The following CTSB variants were observed in gnomAD, a reference collection of about 807,000 sequenced individuals.
The protein encoded by CTSB is APP secretase.
A neutral mutation model predicts 44.3 loss-of-function variants in CTSB; 57 were observed. The observed-to-expected ratio is 1.29, with a 90% CI of 1.04 to 1.60. The LOEUF (loss-of-function observed/expected upper bound fraction) is 1.60, where lower values mean the gene tolerates loss of function less well. Among genes scored for constraint, CTSB ranks in the 40% most tolerant of loss-of-function variants. The pLI, the probability that CTSB is intolerant of heterozygous loss-of-function variation, is 0.00. For missense variants in CTSB, 768 were observed against 443.0 expected (o/e 1.73, Z -6.59); for synonymous variants, 320 against 168.0 (o/e 1.91, Z -7.00).
At chr8:11,851,108 C>G (rs780235212) in intron 3 of CTSB, 128 bp from the exon 4 acceptor site, 5 of 481,262 alleles carry the variant, frequency 1.0e-5, no homozygotes, top group Non-Finnish European at 2.0e-5. Context: ...CCGAAGAAGG[C>G]TGCAGACAGG....
chr8:11,855,290 G>A (rs569773051), intron 1 of CTSB, among the ~76,000 whole-genome samples: 1 of 152,172 alleles, frequency 6.6e-6, no homozygotes, highest in African/African-American at 2.4e-5. Flanking sequence ...AAAGTGCTGC[G>A]ATGACAGGCG....
chr8:11,851,088 A>G, intron 3 of CTSB, 108 bp from the exon 4 acceptor site: 1 of 644,078 alleles, frequency 1.6e-6, no homozygotes, highest in Non-Finnish European at 2.8e-6. Flanking sequence ...GGAAATGAGC[A>G]CAAGACATGC....
Position 11,853,431 on chromosome 8 carries a change from G to C in CTSB, c.24C>G (p.Leu8=). The change falls in exon 2 of 10, where the codon CTC becomes CTG. Residue 8 remains leucine (L), a synonymous_variant. Transcript: ENST00000353047. The part of the protein sequence containing the change: MWQLWAS[L]CCLLVLANAR... Reference sequence around the variant, plus strand: ...CATTGGCCAACACCAGCAGGCAGCAGAGGGAGGCCCAGAGCTGCCACATGT... The same window carrying C: ...CATTGGCCAACACCAGCAGGCAGCACAGGGAGGCCCAGAGCTGCCACATGT... 1.2e-6 allele frequency: 2 copies of C among 1,612,562 alleles called. No individual in the cohort carries two copies. Among genetic ancestry groups the C allele is most frequent in the Non-Finnish European group, 1.7e-6 (2 of 1,179,794 alleles).
At chr8:11,850,516 G>A (rs1194259027) in intron 4 of CTSB, 1 of 167,662 alleles carries the variant, frequency 6.0e-6, no homozygotes, top group Non-Finnish European at 1.3e-5. Context: ...ACAATTAAAT[G>A]ACAAAATTAA....
intron 4 of CTSB, 182 bp downstream of exon 4, chr8:11,850,684 C>G (rs1052352632): frequency 2.4e-5 from 12 of 503,268 alleles, no homozygotes; most frequent in Non-Finnish European, 4.3e-5. Context: ...CGCCACTCCA[C>G]CTAATCCTCG....
At chr8:11,867,579 T>A (rs1415453360) in intron 1 of CTSB, 1 of 152,244 alleles carries the variant, frequency 6.6e-6, no homozygotes, top group African/African-American at 2.4e-5. Flanking sequence ...GATGCGATTA[T>A]GTCGGCAGTT....
intron 1 of CTSB, 98 bp downstream of exon 1, chr8:11,867,903 C>A (rs1005004997): frequency 6.6e-6 from 1 of 152,066 alleles, no homozygotes; most frequent in African/African-American, 2.4e-5. Context: ...GCGCCTGGGC[C>A]CGACTGAGGG....
chr8:11,863,802 A>G (rs1020046947), intron 1 of CTSB, among the ~76,000 whole-genome samples: 5 of 152,204 alleles, frequency 3.3e-5, no homozygotes, highest in African/African-American at 1.2e-4. Flanking sequence ...AATGTGAGGA[A>G]CAGGAACTCT....
chr8:11,846,047 G>C (rs941868240), intron 8 of CTSB: 8 of 326,442 alleles, frequency 2.5e-5, no homozygotes, highest in South Asian at 7.5e-5. Context: ...TTTAAAAATA[G>C]AATTTCTAAT....
chr8:11,848,806 G>A (rs1032830963), intron 5 of CTSB: 6 of 428,504 alleles, frequency 1.4e-5, no homozygotes, highest in African/African-American at 1.0e-4. Flanking sequence ...CACATTTTCT[G>A]AAACTGACTG....
chr8:11,855,376 G>C (rs961318266), intron 1 of CTSB, among the ~76,000 whole-genome samples: 4 of 152,210 alleles, frequency 2.6e-5, no homozygotes, highest in Non-Finnish European at 5.9e-5. Context: ...TGAAAAACAG[G>C]CTGGGTGCGG....
intron 9 of CTSB, among the ~76,000 whole-genome samples, 159 bp from the exon 10 acceptor site, chr8:11,845,381 C>A (rs1482195609): frequency 6.6e-6 from 1 of 152,222 alleles, no homozygotes; most frequent in African/African-American, 2.4e-5. Context: ...AGCCGTGGGG[C>A]ACACCTCCAC....
intron 1 of CTSB, among the ~76,000 whole-genome samples, chr8:11,857,006 C>T (rs1302558703): frequency 6.6e-6 from 1 of 152,094 alleles, no homozygotes; most frequent in Non-Finnish European, 1.5e-5. Flanking sequence ...TTTGGTCTTC[C>T]TTCCCACCAA....
intron 1 of CTSB, among the ~76,000 whole-genome samples, chr8:11,866,857 C>T (rs989182496): frequency 6.6e-6 from 1 of 152,198 alleles, no homozygotes; most frequent in Non-Finnish European, 1.5e-5. Flanking sequence ...CAGCCAACGC[C>T]CTCTTAGGCC....
intron 9 of CTSB, 61 bp from the exon 10 acceptor site, chr8:11,845,283 T>TCATC: frequency 7.6e-7 from 1 of 1,319,860 alleles, no homozygotes; most frequent in East Asian, 2.4e-5. Flanking sequence ...ATAGTCAGAC[T>TCATC]CATCCTTAAA....
In CTSB at chr8:11,843,260, TGGCA is replaced by T. The variant is rs1812590865; in HGVS notation, c.*1861_*1864del. On this transcript the variant is annotated 3_prime_UTR_variant, in exon 10 of 10. Coordinates refer to ENST00000353047, the MANE Select transcript of CTSB (RefSeq NM_001908.5). ...CGACGGCCGGCTGTTATGCTCATCA[TGGCA>T]CTTAAGAGATGCTTAACAAACCTTT... The T allele has an allele frequency of 2.0e-5, 3 of 152,200 alleles. No individual in the cohort carries two copies. Among genetic ancestry groups the T allele is most frequent in the South Asian group, 2.1e-4 (1 of 4,836 alleles). 9.4% of individuals were successfully genotyped at this position (152,200 alleles called of 1,614,324 possible).
Position 11,844,194 on chromosome 8 carries a change from A to G in CTSB, c.*931T>C, listed in dbSNP as rs1812793040. The G allele has an allele frequency of 6.6e-6, 1 of 152,250 alleles. No individual in the cohort carries two copies. Among genetic ancestry groups the G allele is most frequent in the African/African-American group, 2.4e-5 (1 of 41,464 alleles). 9.4% of individuals were successfully genotyped at this position (152,250 alleles called of 1,614,324 possible). A position where few individuals can be genotyped will look rare whatever the true frequency, so the allele number is the denominator to read the frequency against. ...ATGGCTGGGGCAGCGAGAAGTTAAG[A>G]TGAAGTCCCAAGAGTCGCAAGAACA... On this transcript the variant is annotated 3_prime_UTR_variant, in exon 10 of 10. Transcript: ENST00000353047.
rs759371006 is a variant in CTSB at position 11,852,591 on chromosome 8, C to A, written c.212+19G>T. ...GCCTGCCACTCACATTACAGCGGTGCAGAGGAGCAGGCACTCACCTCTGGG... is the reference window on the plus strand; with the variant it reads ...GCCTGCCACTCACATTACAGCGGTGAAGAGGAGCAGGCACTCACCTCTGGG... On this transcript the variant is annotated intron_variant, in intron 3 of 9. Transcript: ENST00000353047. 2 of 1,603,116 alleles carry A rather than the reference C, an allele frequency of 1.2e-6. No individual in the cohort carries two copies. The highest frequency in any genetic ancestry group is 2.2e-5 in the East Asian group (1 of 44,818).
At chr8:11,855,921 G>C (rs1815427776) in intron 1 of CTSB, among the ~76,000 whole-genome samples, 2 of 152,142 alleles carry the variant, frequency 1.3e-5, no homozygotes, top group African/African-American at 4.8e-5. Context: ...GGGAGGCTGA[G>C]ACAGGAGAAT....
Sources: gnomAD v4.1 joint callset for allele counts (sites outside exome capture counted in the v4.1 genomes callset) on GRCh38, gnomAD v4.1.1 for gene constraint, MANE v1.5 for transcripts, NCBI Gene and HGNC (gene_info 2026-07-23, HGNC 2026-07-21) for gene names.